Variants in SMARCC1 observed in about 807,000 individuals in gnomAD.
The protein encoded by SMARCC1 is SWI/SNF related BAF chromatin remodeling complex subunit C1, also known as SWI/SNF complex subunit SMARCC1.
A neutral mutation model predicts 147.4 loss-of-function variants in SMARCC1; 43 were observed. The observed-to-expected ratio is 0.29, with a 90% confidence interval of 0.23 to 0.38. SMARCC1 has a LOEUF of 0.38. Ranked by LOEUF, SMARCC1 falls within the 10% of genes least tolerant of loss-of-function variation. SMARCC1 has a pLI of 1.00. For synonymous variants in SMARCC1, 495 were observed against 484.4 expected, an observed-to-expected ratio of 1.02 and a Z score of -0.29; for missense variants, 1,119 against 1,381.1, an observed-to-expected ratio of 0.81 and a Z score of 3.01.
chr3:47,685,843 C>T lies in SMARCC1; in HGVS notation c.1385+206G>A, dbSNP rs531773099. Among the ~76,000 whole-genome samples the T allele has an allele frequency of 2.0e-5, 3 of 152,246 alleles. No homozygotes were observed. In the East Asian group the frequency reaches 5.8e-4, roughly 29 times the overall value. On this transcript the variant is annotated intron_variant, in intron 14 of 27. Coordinates refer to ENST00000254480, the MANE Select transcript of SMARCC1 (RefSeq NM_003074.4). The stretch of plus-strand genomic sequence containing the variant: ...CTGCATTCTAGCCAGGGTGACAAAG[C>T]AAGACTCTGTCTCAACAACAACAAA...
chr3:47,663,123 AAGGGAGGGAGGG>A (rs1245695093), intron 19 of SMARCC1, among the ~76,000 whole-genome samples: 2 of 105,526 alleles, frequency 1.9e-5, no homozygotes, highest in East Asian at 3.9e-4. Context: ...GGAGGGAAGG[AAGGGAGGGAGGG>A]AGGGAGGAAG....
At chr3:47,647,614 G>A (rs1576398140) in intron 21 of SMARCC1, among the ~76,000 whole-genome samples, 1 of 152,178 alleles carries the variant, frequency 6.6e-6, no homozygotes, top group Non-Finnish European at 1.5e-5. Context: ...AGAGTATAAA[G>A]GAGTCCTGAG....
chr3:47,631,781 AAATGAG>A (rs2032894776), intron 24 of SMARCC1, among the ~76,000 whole-genome samples: 1 of 152,262 alleles, frequency 6.6e-6, no homozygotes, highest in South Asian at 2.1e-4. Flanking sequence ...ACACAGAAGA[AAATGAG>A]AATAAGAGAA....
At chr3:47,723,673 C>A (rs1335570803) in intron 6 of SMARCC1, among the ~76,000 whole-genome samples, 1 of 151,872 alleles carries the variant, frequency 6.6e-6, no homozygotes, top group African/African-American at 2.4e-5. Context: ...ATTAGCTGGG[C>A]ATGGTGGCGG....
At chr3:47,724,905 G>A (rs2034280311) in intron 6 of SMARCC1, among the ~76,000 whole-genome samples, 1 of 151,800 alleles carries the variant, frequency 6.6e-6, no homozygotes, top group African/African-American at 2.4e-5. Context: ...TTTTAAATTA[G>A]CCATGTGTGG....
chr3:47,701,451 T>C (rs750169873), intron 10 of SMARCC1, 49 bp from the exon 11 acceptor site: 9 of 1,559,468 alleles, frequency 5.8e-6, no homozygotes, highest in Non-Finnish European at 7.1e-6. Flanking sequence ...TTATAGCTAC[T>C]GATAGCAAAC....
At chr3:47,596,630 G>A (rs925457801) in intron 26 of SMARCC1, among the ~76,000 whole-genome samples, 5 of 151,728 alleles carry the variant, frequency 3.3e-5, no homozygotes, top group African/African-American at 7.3e-5. Context: ...GTCTTGCTAC[G>A]TTGCCCAGGC....
intron 24 of SMARCC1, among the ~76,000 whole-genome samples, chr3:47,625,744 T>C (rs138518380): frequency 2.8e-4 from 43 of 152,232 alleles, no homozygotes; most frequent in African/African-American, 1.0e-3. Flanking sequence ...AAAAACAAAG[T>C]ATATCTAAAT....
rs187585100 is a variant in SMARCC1 at position 47,602,402 on chromosome 3, A to T, written c.3043+7664T>A. 1.2e-3 allele frequency among the ~76,000 whole-genome samples: 176 copies of T among 152,264 alleles called. 1 individual carries two copies. The highest frequency in any genetic ancestry group is 4.1e-3 in the Admixed American group (62 of 15,302). On this transcript the variant is annotated intron_variant, in intron 26 of 27. Coordinates refer to ENST00000254480, the MANE Select transcript of SMARCC1 (RefSeq NM_003074.4). ...AGCCTTGACCTCCTGGGATCAAGTGATCCTTCTGCCTCAGCCTCCCAAGTA... is the reference window on the plus strand; with the variant it reads ...AGCCTTGACCTCCTGGGATCAAGTGTTCCTTCTGCCTCAGCCTCCCAAGTA...
intron 24 of SMARCC1, among the ~76,000 whole-genome samples, chr3:47,634,134 T>C (rs898343406): frequency 3.9e-5 from 6 of 152,162 alleles, no homozygotes; most frequent in Admixed American, 2.0e-4. Context: ...TCTGATTCTT[T>C]AGCTAATTTT....
At chr3:47,749,670 A>AACACACACACACATACACACAC (rs1553690149) in intron 2 of SMARCC1, among the ~76,000 whole-genome samples, 2 of 92,496 alleles carry the variant, frequency 2.2e-5, no homozygotes, top group Admixed American at 1.3e-4. Flanking sequence ...CTCTAAATTA[A>AACACACACACACATACACACAC]ACACACACAC....
intron 7 of SMARCC1, 27 bp downstream of exon 7, chr3:47,720,639 C>G: frequency 7.0e-7 from 1 of 1,430,730 alleles, no homozygotes; most frequent in Non-Finnish European, 9.7e-7. Context: ...AATCTTTATA[C>G]CAGGTCTCAC....
intron 2 of SMARCC1, among the ~76,000 whole-genome samples, chr3:47,764,140 T>G (rs1214494603): frequency 6.6e-6 from 1 of 152,106 alleles, no homozygotes; most frequent in Non-Finnish European, 1.5e-5. Context: ...TGGGATCAAG[T>G]GATCCTCCTG....
intron 7 of SMARCC1, among the ~76,000 whole-genome samples, chr3:47,717,586 C>T (rs2034171764): frequency 1.3e-5 from 2 of 151,992 alleles, no homozygotes; most frequent in Non-Finnish European, 2.9e-5. Context: ...TTTTTTGAGA[C>T]AGGGTCTCAC....
chr3:47,725,134 GT>G (rs2034283375), intron 6 of SMARCC1, among the ~76,000 whole-genome samples: 1 of 147,836 alleles, frequency 6.8e-6, no homozygotes, highest in South Asian at 2.2e-4. Context: ...AATGTTATGT[GT>G]TTTTTACCAC....
At chr3:47,595,434 G>T (rs1445242612) in intron 26 of SMARCC1, among the ~76,000 whole-genome samples, 3 of 152,024 alleles carry the variant, frequency 2.0e-5, no homozygotes, top group African/African-American at 7.2e-5. Flanking sequence ...GGCTGAGGCA[G>T]GAGAATCGCT....
At chr3:47,688,644 T>C (rs1361015361) in intron 13 of SMARCC1, among the ~76,000 whole-genome samples, 1 of 152,134 alleles carries the variant, frequency 6.6e-6, no homozygotes, top group East Asian at 1.9e-4. Context: ...ACAGCAGAAT[T>C]CATAAAGCAG....
Position 47,672,362 on chromosome 3 carries a change from C to T in SMARCC1, c.1840-1645G>A, listed in dbSNP as rs539344116. Among the ~76,000 whole-genome samples, 230 of 152,216 alleles carry T rather than the reference C, an allele frequency of 1.5e-3. 1 individual carries two copies. The highest frequency in any genetic ancestry group is 2.4e-3 in the Admixed American group (36 of 15,290). ...CTGGGACTACAGGCGCCCGCCAACACGCCCGGCTAATTTTTTTGTATTTTT... is the reference window on the plus strand; with the variant it reads ...CTGGGACTACAGGCGCCCGCCAACATGCCCGGCTAATTTTTTTGTATTTTT... On this transcript the variant is annotated intron_variant, in intron 18 of 27. Coordinates refer to ENST00000254480, the MANE Select transcript of SMARCC1 (RefSeq NM_003074.4).
rs764769326 is a variant in SMARCC1, at chr3:47,781,741, C to T, written c.57G>A (p.Ser19=). 2.6e-6 allele frequency: 4 copies of T among 1,548,938 alleles called. No individual in the cohort carries two copies. The South Asian group carries it at 4.7e-5, about 18-fold the overall frequency. ...GGCCTGCGGCTGCCGCCGCAATCCC[C>T]GAGCCCGTGGCGCCTACCGCTGTCC... ...GPGTAVGATG[S]GIAAAAAGLA... is the part of the protein sequence containing the mutation. Residue 19 remains serine, a synonymous_variant, in exon 1 of 28, where the codon TCG becomes TCA. Coordinates refer to ENST00000254480, the MANE Select transcript of SMARCC1 (RefSeq NM_003074.4).
Sources: gnomAD v4.1 joint callset for allele counts (sites outside exome capture counted in the v4.1 genomes callset) on GRCh38, gnomAD v4.1.1 for gene constraint, MANE v1.5 for transcripts, NCBI Gene and HGNC (gene_info 2026-07-23, HGNC 2026-07-21) for gene names.